CAAP1: variants seen among roughly 807,000 people sequenced by gnomAD.
The protein encoded by CAAP1 is conserved anti-apoptotic protein.
A neutral mutation model predicts 34.0 loss-of-function variants in CAAP1; 20 were observed. The observed-to-expected ratio is 0.59, with a 90% CI of 0.41 to 0.86. The LOEUF is 0.86. Among genes scored for constraint, CAAP1 ranks in the 40% least tolerant of loss-of-function variants. CAAP1 has a pLI of 0.00. For synonymous variants in CAAP1, 213 were observed against 166.7 expected (o/e 1.28, Z -2.14); for missense variants, 538 against 450.5 (o/e 1.19, Z -1.76).
chr9:26,890,067 A>G (rs763496272), intron 1 of CAAP1, among the ~76,000 whole-genome samples: 18 of 151,906 alleles, frequency 1.2e-4, no homozygotes, highest in Non-Finnish European at 2.1e-4. Context: ...TGGTCTCCCC[A>G]TCATAACGGA....
Position 26,892,652 on chromosome 9 carries a change from C to T in CAAP1, c.64G>A (p.Ala22Thr), listed in dbSNP as rs543337931. 4.5e-5 allele frequency: 72 copies of T among 1,607,812 alleles called. No homozygotes were observed. The South Asian group carries it at 7.4e-4, about 16-fold the overall frequency. ...GGTACGATGTCCGGGGCCGCGAGCG[C>T]TGCGGCCGCCTCCTGACTGCTACGT... ...RKRSSQEAAA[A>T]LAAPDIVPAL... Residue 22 changes from alanine to threonine, a missense_variant, in exon 1 of 6, where the codon GCG becomes ACG. Transcript: ENST00000333916.
intron 4 of CAAP1, among the ~76,000 whole-genome samples, chr9:26,874,398 C>T (rs1340258123): frequency 6.6e-6 from 1 of 151,900 alleles, no homozygotes; most frequent in African/African-American, 2.4e-5. Flanking sequence ...TCTCTTCTAC[C>T]TATTTTGAAA....
chr9:26,853,183 CAG>C (rs1196600413), intron 5 of CAAP1, among the ~76,000 whole-genome samples: 3 of 152,206 alleles, frequency 2.0e-5, no homozygotes, highest in South Asian at 4.2e-4. Flanking sequence ...TGGATAGAAA[CAG>C]TGGGATCAGG....
At chr9:26,861,239 G>C in intron 4 of CAAP1, 100 bp from the exon 5 acceptor site, 2 of 779,580 alleles carry the variant, frequency 2.6e-6, no homozygotes, top group South Asian at 3.3e-5. Flanking sequence ...GGGAAGACAG[G>C]CTACATTCTT....
At chr9:26,853,915 A>G (rs1406702314) in intron 5 of CAAP1, among the ~76,000 whole-genome samples, 2 of 152,214 alleles carry the variant, frequency 1.3e-5, no homozygotes, top group African/African-American at 2.4e-5. Flanking sequence ...TTCTATCCCT[A>G]GTGCCTAGAA....
chr9:26,878,159 C>T (rs1345976096), intron 4 of CAAP1, among the ~76,000 whole-genome samples: 1 of 152,070 alleles, frequency 6.6e-6, no homozygotes, highest in African/African-American at 2.4e-5. Context: ...ATTTTCCAGC[C>T]CAAGAATAAT....
chr9:26,865,412 A>T (rs544679007), intron 4 of CAAP1, among the ~76,000 whole-genome samples: 1 of 152,124 alleles, frequency 6.6e-6, no homozygotes, highest in Non-Finnish European at 1.5e-5. Flanking sequence ...AATCCCAGCT[A>T]CTCGGGAGAA....
chr9:26,880,455 G>A (rs936982131), intron 4 of CAAP1: 1 of 216,256 alleles, frequency 4.6e-6, no homozygotes, highest in East Asian at 1.4e-4. Flanking sequence ...CACTCCAGGA[G>A]AGGGTGCACT....
At chr9:26,859,858 G>C (rs1036116533) in intron 5 of CAAP1, among the ~76,000 whole-genome samples, 2 of 152,112 alleles carry the variant, frequency 1.3e-5, no homozygotes, top group Non-Finnish European at 2.9e-5. Flanking sequence ...AAATCCTACA[G>C]TAAATAAATC....
At position 26,892,467 on chromosome 9, in the gene CAAP1, C is replaced by A. The variant is rs757376077; in HGVS notation, c.249G>T (p.Glu83Asp). ...AGTCGGTACTCCTCCGCTTCCGGCGCTCGCTGCGCTCCACGCTGCTCCCGC... is the reference window on the plus strand; with the variant it reads ...AGTCGGTACTCCTCCGCTTCCGGCGATCGCTGCGCTCCACGCTGCTCCCGC... Reference protein sequence around the residue: ...CWGGSSVERSERRKRRSTDSS... With the variant: ...CWGGSSVERSDRRKRRSTDSS... The change falls in exon 1 of 6, where the codon GAG becomes GAT. Residue 83 changes from glutamate (E) to aspartate (D), a missense_variant. Glu to Asp is a conservative substitution (Grantham distance 45). This residue lies in a region of CAAP1 where 514 missense variants were observed against 408.4 expected (regional missense o/e 1.26). Coordinates refer to ENST00000333916, the MANE Select transcript of CAAP1 (RefSeq NM_024828.4). The A allele has an allele frequency of 1.3e-6, 2 of 1,567,260 alleles. No individual in the cohort carries two copies. Among genetic ancestry groups the A allele is most frequent in the East Asian group, 4.8e-5 (2 of 41,982 alleles).
rs573369819 is a variant in CAAP1 at position 26,869,878 on chromosome 9, A to T, written c.666-8739T>A. The T allele has an allele frequency of 2.8e-5, 22 of 794,124 alleles. No homozygotes were observed. The African/African-American group carries it at 4.1e-4, about 15-fold the overall frequency. 49.2% of individuals were successfully genotyped at this position (794,124 alleles called of 1,614,324 possible). A position where few individuals can be genotyped will look rare whatever the true frequency, so the allele number is the denominator to read the frequency against. On this transcript the variant is annotated intron_variant, in intron 4 of 5. Coordinates refer to ENST00000333916, the MANE Select transcript of CAAP1 (RefSeq NM_024828.4). ...CAGTTAAGTGATTAAGAGAAACTTC[A>T]ATTTTTTAAAAAGGTGATAGAGAAA...
At chr9:26,892,238 G>C (rs759164782) in intron 1 of CAAP1, 175 bp downstream of exon 1, 454 of 1,466,680 alleles carry the variant, frequency 3.1e-4, no homozygotes, top group Non-Finnish European at 3.9e-4. Flanking sequence ...TTCAAGACAC[G>C]GATGGGAGTG....
At chr9:26,883,096 T>C (rs7033238) in intron 4 of CAAP1, among the ~76,000 whole-genome samples, 37,732 of 152,050 alleles carry the variant, frequency 0.25, 5,517 homozygotes, top group East Asian at 0.72. Context: ...TGTAGACTTT[T>C]GAGTTAATGC....
At chr9:26,875,501 T>G (rs1246221993) in intron 4 of CAAP1, among the ~76,000 whole-genome samples, 1 of 152,208 alleles carries the variant, frequency 6.6e-6, no homozygotes. Flanking sequence ...TGTATTTTAA[T>G]AACACAGATT....
chr9:26,857,167 T>C (rs1822888891), intron 5 of CAAP1, among the ~76,000 whole-genome samples: 1 of 152,190 alleles, frequency 6.6e-6, no homozygotes, highest in South Asian at 2.1e-4. Context: ...AGCAGCAATC[T>C]CTGAAATCCT....
At chr9:26,846,437 A>AAAG (rs888049280) in intron 5 of CAAP1, among the ~76,000 whole-genome samples, 19 of 144,730 alleles carry the variant, frequency 1.3e-4, no homozygotes, top group Non-Finnish European at 1.2e-4. Flanking sequence ...AAAAAAAAAA[A>AAAG]AAGAAGAAGA....
rs1455575814 is a variant in CAAP1 at position 26,841,893 on chromosome 9, ATAATT to A, written c.*403_*407del. ...AGCAAAACTAAATTTCTCAAATTAA[ATAATT>A]TAATATTGTATTGTAAAATACAAGT... On this transcript the variant is annotated 3_prime_UTR_variant, in exon 6 of 6. Coordinates refer to ENST00000333916, the MANE Select transcript of CAAP1 (RefSeq NM_024828.4). 1 of 152,990 alleles carries A rather than the reference ATAATT, an allele frequency of 6.5e-6. No homozygotes were observed. The highest frequency in any genetic ancestry group is 2.4e-5 in the African/African-American group (1 of 41,506). 9.5% of individuals were successfully genotyped at this position (152,990 alleles called of 1,614,324 possible). A position where few individuals can be genotyped will look rare whatever the true frequency, so the allele number is the denominator to read the frequency against.
rs149346600 is a variant in CAAP1 at position 26,867,181 on chromosome 9, T to C, written c.666-6042A>G. ...ATATTCCCTGATGGAAAAATCTTCT[T>C]CCATGAAACCAGTTCCTGGTGCCAA... On this transcript the variant is annotated intron_variant, in intron 4 of 5. Transcript: ENST00000333916. Among the ~76,000 whole-genome samples the C allele has an allele frequency of 1.8e-4, 27 of 152,258 alleles. No individual in the cohort carries two copies. In the East Asian group the frequency reaches 5.2e-3, roughly 29 times the overall value.
At chr9:26,881,836 T>C (rs1234391290) in intron 4 of CAAP1, among the ~76,000 whole-genome samples, 1 of 152,162 alleles carries the variant, frequency 6.6e-6, no homozygotes, top group Non-Finnish European at 1.5e-5. Context: ...TCCTAGAAAC[T>C]TGTTAAATGG....
Sources: gnomAD v4.1 joint callset for allele counts (sites outside exome capture counted in the v4.1 genomes callset) on GRCh38, gnomAD v4.1.1 for gene constraint, gnomAD v4.1.1 regional missense constraint, MANE v1.5 for transcripts, NCBI Gene and HGNC (gene_info 2026-07-23, HGNC 2026-07-21) for gene names.